The following ZNF540 variants were observed in gnomAD, a reference collection of about 807,000 sequenced individuals.
ZNF540 encodes zinc finger protein 540.
A neutral mutation model predicts 11.8 loss-of-function variants in ZNF540; 3 were observed. That is an observed-to-expected ratio of 0.25 (90% CI 0.12 to 0.65). The LOEUF (loss-of-function observed/expected upper bound fraction) is 0.65. ZNF540 is among the 30% of genes least tolerant of loss of function. The pLI, the probability that ZNF540 is intolerant of heterozygous loss-of-function variation, is 0.83. For synonymous variants in ZNF540, 247 were observed against 259.0 expected (o/e 0.95, Z 0.45); for missense variants, 709 against 793.1 (o/e 0.89, Z 1.27).
chr19:37,599,508 C>T (rs1369316229), intron 2 of ZNF540, 118 bp from the exon 3 acceptor site: 5 of 1,188,216 alleles, frequency 4.2e-6, no homozygotes, highest in Admixed American at 4.9e-5. Flanking sequence ...AGCTTTCAGC[C>T]CCAGCCTAGA....
chr19:37,590,062 T>G (rs998970169), upstream of ZNF540, among the ~76,000 whole-genome samples: 11 of 151,596 alleles, frequency 7.3e-5, no homozygotes, highest in African/African-American at 2.7e-4. Flanking sequence ...AAATTAAATG[T>G]TTGATCCTAG....
chr19:37,587,689 A>G (rs769784077), intron 1 of ZNF540, among the ~76,000 whole-genome samples: 4 of 152,056 alleles, frequency 2.6e-5, no homozygotes, highest in African/African-American at 7.2e-5. Flanking sequence ...ACCCAGTAAG[A>G]GAGCAGGTAA....
chr19:37,612,805 T>C lies in ZNF540; in HGVS notation c.1525T>C (p.Tyr509His), dbSNP rs751542431. The change falls in exon 5 of 5, where the codon TAC becomes CAC. Residue 509 changes from tyrosine to histidine, a missense_variant. By Grantham distance (83) the Tyr-to-His change is moderately conservative. Coordinates refer to ENST00000316433, the MANE Select transcript of ZNF540 (RefSeq NM_001172225.3). ...TGGGAAGACCTTTAGATTTGGTTTC[T>C]ACCTTACTGAACACCAGAGAATTCA... ...RCGKTFRFGF[Y>H]LTEHQRIHTG... 5 of 1,614,052 alleles carry C rather than the reference T, an allele frequency of 3.1e-6. No individual in the cohort carries two copies. In the East Asian group the frequency reaches 1.1e-4, roughly 36 times the overall value.
upstream of ZNF540, among the ~76,000 whole-genome samples, chr19:37,593,686 C>G (rs2043933586): frequency 6.6e-6 from 1 of 152,110 alleles, no homozygotes; most frequent in Non-Finnish European, 1.5e-5. Flanking sequence ...CAGGGCGACA[C>G]AGCGAGAATC....
chr19:37,586,675 A>G (rs1443300676), intron 1 of ZNF540: 1 of 1,613,936 alleles, frequency 6.2e-7, no homozygotes, highest in Non-Finnish European at 8.5e-7. Flanking sequence ...CACGTGGGGC[A>G]TGGTTTTTTA....
At chr19:37,578,159 C>T (rs1020989447) in intron 1 of ZNF540, among the ~76,000 whole-genome samples, 1 of 152,208 alleles carries the variant, frequency 6.6e-6, no homozygotes, top group Admixed American at 6.5e-5. Context: ...TCTCGCCCCA[C>T]TCCCCACGGC....
At chr19:37,578,969 G>A (rs2043348121) in intron 1 of ZNF540, among the ~76,000 whole-genome samples, 2 of 151,878 alleles carry the variant, frequency 1.3e-5, no homozygotes, top group Admixed American at 1.3e-4. Context: ...AGCGCGCCAC[G>A]TGCTCCGCAG....
intron 1 of ZNF540, among the ~76,000 whole-genome samples, chr19:37,580,256 C>A (rs372877980): frequency 9.8e-5 from 15 of 152,346 alleles, no homozygotes; most frequent in East Asian, 9.6e-4. Context: ...AACTCATCAG[C>A]AGACATCAAT....
intron 3 of ZNF540, 87 bp from the exon 4 acceptor site, chr19:37,600,923 C>A: frequency 2.7e-6 from 3 of 1,095,814 alleles, no homozygotes; most frequent in Non-Finnish European, 3.9e-6. Context: ...TCATGTTGAT[C>A]CATATAAATT....
At chr19:37,552,695 C>A (rs1437635625) in intron 1 of ZNF540, among the ~76,000 whole-genome samples, 2 of 152,232 alleles carry the variant, frequency 1.3e-5, no homozygotes, top group Non-Finnish European at 2.9e-5. Context: ...TGCCTGTAAT[C>A]CTAGCACTCT....
intron 4 of ZNF540, among the ~76,000 whole-genome samples, chr19:37,602,319 C>G (rs1014305089): frequency 6.6e-6 from 1 of 152,070 alleles, no homozygotes; most frequent in Non-Finnish European, 1.5e-5. Flanking sequence ...TCATCAAGAT[C>G]GAGATGTTGA....
In ZNF540 at chr19:37,611,990, AT is replaced by A. The variant is rs772911806; in HGVS notation, c.711del (p.His237GlnfsTer48). ...SYQLTLHQRFHTGEKPYECQE... is the reference protein window; with the variant it reads ...SYQLTLHQRFXTGEKPYECQE... Reference sequence around the variant, plus strand: ...CAACTTACTCTGCATCAGAGATTTCATACTGGTGAGAAACCCTATGAATGTC... The same window carrying A: ...CAACTTACTCTGCATCAGAGATTTCAACTGGTGAGAAACCCTATGAATGTC... On this transcript the variant is annotated frameshift_variant, in exon 5 of 5. Coordinates refer to ENST00000316433, the MANE Select transcript of ZNF540 (RefSeq NM_001172225.3). LOFTEE classifies it low-confidence loss of function (END_TRUNC). The A allele has an allele frequency of 4.3e-6, 7 of 1,613,642 alleles. No homozygotes were observed. The highest frequency in any genetic ancestry group is 5.9e-6 in the Non-Finnish European group (7 of 1,179,988).
rs1467928882 is a variant in ZNF540, at chr19:37,599,692, A to G, written c.76A>G (p.Thr26Ala). The stretch of plus-strand genomic sequence containing the variant: ...GAAGGAATGGGAGTGCCTGGACACT[A>G]CCCAGAGGAAATTGTACAGAGATGT... ...SQKEWECLDT[T>A]QRKLYRDVML... Residue 26 changes from threonine (T) to alanine (A), a missense_variant, in exon 3 of 5, where the codon ACC becomes GCC. By Grantham distance (58) the Thr-to-Ala change is moderately conservative. Coordinates refer to ENST00000316433, the MANE Select transcript of ZNF540 (RefSeq NM_001172225.3). 6.2e-7 allele frequency: 1 copy of G among 1,613,440 alleles called. No homozygotes were observed. Among genetic ancestry groups the G allele is most frequent in the African/African-American group, 1.3e-5 (1 of 74,912 alleles).
In ZNF540 at chr19:37,569,016, G is replaced by C. The variant is rs145593505; in HGVS notation, c.-73+17351G>C. Among the ~76,000 whole-genome samples the C allele has an allele frequency of 2.7e-3, 407 of 151,612 alleles. No homozygotes were observed. Among genetic ancestry groups the C allele is most frequent in the African/African-American group, 9.6e-3 (396 of 41,284 alleles). On this transcript the variant is annotated intron_variant, in intron 1 of 4. Transcript: ENST00000592533. This position sits in a 1 kb window ranked among gnomAD's most constrained non-coding sequence, Gnocchi z 4.4. ...CTGTCATCCAGGCTGGAGTGCAGTCGTGCCATCTCAGCTCACTGCAACCTC... is the reference window on the plus strand; with the variant it reads ...CTGTCATCCAGGCTGGAGTGCAGTCCTGCCATCTCAGCTCACTGCAACCTC...
At chr19:37,563,804 CAT>C (rs1163172077) in intron 1 of ZNF540, 3 of 83,256 alleles carry the variant, frequency 3.6e-5, no homozygotes, top group Non-Finnish European at 1.1e-4. Context: ...CACATACACA[CAT>C]GTGGAATATA....
Position 37,612,488 on chromosome 19 carries a change from C to T in ZNF540, c.1208C>T (p.Thr403Ile), listed in dbSNP as rs2147236141. 1 of 1,614,114 alleles carries T rather than the reference C, an allele frequency of 6.2e-7. No homozygotes were observed. The highest frequency in any genetic ancestry group is 8.5e-7 in the Non-Finnish European group (1 of 1,180,012). The change falls in exon 5 of 5, where the codon ACA (threonine) becomes ATA (isoleucine). Residue 403 changes from threonine to isoleucine, a missense_variant. Transcript: ENST00000316433. ...NVRGQLNRHK[T>I]IHTGIKPFAC... ...CGTGGACAGCTTAATCGGCATAAAA[C>T]AATCCATACTGGTATAAAACCTTTT...
intron 1 of ZNF540, chr19:37,585,647 C>T (rs1006682657): frequency 6.6e-6 from 1 of 152,188 alleles, no homozygotes; most frequent in Admixed American, 6.5e-5. Context: ...TTGTTGGATT[C>T]CTGAATAGAG....
rs773309084 is a variant in ZNF540 at position 37,612,671 on chromosome 19, T to C, written c.1391T>C (p.Val464Ala). 7 of 1,613,996 alleles carry C rather than the reference T, an allele frequency of 4.3e-6. No individual in the cohort carries two copies. Among genetic ancestry groups the C allele is most frequent in the Non-Finnish European group, 5.9e-6 (7 of 1,179,954 alleles). ...LTEHQRLHTG[V>A]KPYECKECGK... ...GAACATCAGAGACTTCATACTGGTGTGAAGCCCTACGAATGTAAGGAATGT... is the reference window on the plus strand; with the variant it reads ...GAACATCAGAGACTTCATACTGGTGCGAAGCCCTACGAATGTAAGGAATGT... Residue 464 changes from valine (V) to alanine (A), a missense_variant, in exon 5 of 5, where the codon GTG becomes GCG. Val to Ala is a moderately conservative substitution (Grantham distance 64, BLOSUM62 0). Coordinates refer to ENST00000316433, the MANE Select transcript of ZNF540 (RefSeq NM_001172225.3).
intron 1 of ZNF540, among the ~76,000 whole-genome samples, chr19:37,556,945 G>A (rs1299994547): frequency 2.0e-5 from 3 of 152,208 alleles, no homozygotes; most frequent in Non-Finnish European, 2.9e-5. Flanking sequence ...AGCTTCTATT[G>A]AATGTTTAAC....
Sources: gnomAD v4.1 joint callset for allele counts (sites outside exome capture counted in the v4.1 genomes callset) on GRCh38, gnomAD v4.1.1 for gene constraint, Gnocchi (gnomAD v3.1) non-coding constraint, MANE v1.5 for transcripts, NCBI Gene and HGNC (gene_info 2026-07-23, HGNC 2026-07-21) for gene names.